Variants in POLN observed in about 807,000 individuals in gnomAD.
POLN encodes DNA polymerase N.
POLN carries 108 observed loss-of-function variants against 113.5 expected under a neutral mutation model. The ratio of observed to expected loss-of-function variants is 0.95; its 90% CI spans 0.81 to 1.12. The LOEUF (loss-of-function observed/expected upper bound fraction) is 1.12. Among genes scored for constraint, POLN ranks in the 50% most tolerant of loss-of-function variants. The pLI is 0.00. For missense variants in POLN, 1,097 were observed against 1,077.1 expected (o/e 1.02, Z -0.26); for synonymous variants, 386 against 391.5 (o/e 0.99, Z 0.17).
intron 7 of POLN, among the ~76,000 whole-genome samples, chr4:2,182,016 AT>A (rs1733155674): frequency 6.7e-6 from 1 of 149,390 alleles, no homozygotes; most frequent in Admixed American, 6.7e-5. Flanking sequence ...AAAAAAAAAG[AT>A]GACTTTAAAC....
intron 13 of POLN, among the ~76,000 whole-genome samples, chr4:2,165,780 A>AC (rs2108744780): frequency 6.6e-6 from 1 of 152,098 alleles, no homozygotes; most frequent in East Asian, 1.9e-4. Flanking sequence ...ACTAAAAAAT[A>AC]GTCTTTTTTT....
Position 2,156,847 on chromosome 4 carries a change from T to C in POLN, c.1672A>G (p.Ile558Val), listed in dbSNP as rs1397576598. 6.2e-7 allele frequency: 1 copy of C among 1,611,050 alleles called. No homozygotes were observed. Among genetic ancestry groups the C allele is most frequent in the African/African-American group, 1.3e-5 (1 of 74,848 alleles). The change falls in exon 16 of 26, where the codon ATT (isoleucine) becomes GTT (valine). Residue 558 changes from isoleucine (I) to valine (V), a missense_variant. Transcript: ENST00000511885. ...CCAGTCTGATTCCATGTAGAGGAAA[T>C]GGAGCCCTTTATTAGTTAAAAAGAA... is the stretch of plus-strand genomic sequence containing the variant. ...GLLACMKKGS[I>V]SSTWNQTGTV...
intron 17 of POLN, among the ~76,000 whole-genome samples, chr4:2,130,534 AAG>A (rs1731702476): frequency 6.6e-6 from 1 of 152,208 alleles, no homozygotes; most frequent in African/African-American, 2.4e-5. Context: ...TAAAAGAAAG[AAG>A]AGTGTTCATG....
chr4:2,183,888 C>CTTT lies in POLN; in HGVS notation c.1022-4426_1022-4424dup, dbSNP rs34321496. ...GCTATTTACAAGGTGTTCTTTTTTT[C>CTTT]TTTTTTTTTTTGAGACAGAGTCTTG... On this transcript the variant is annotated intron_variant, in intron 7 of 25. Coordinates refer to ENST00000511885, the MANE Select transcript of POLN (RefSeq NM_181808.4). 3.0e-3 allele frequency among the ~76,000 whole-genome samples: 442 copies of CTTT among 147,250 alleles called. 1 individual carries two copies. The highest frequency in any genetic ancestry group is 9.5e-3 in the African/African-American group (384 of 40,540).
At chr4:2,089,861 C>T in intron 20 of POLN, 1 of 953,898 alleles carries the variant, frequency 1.0e-6, no homozygotes, top group Non-Finnish European at 1.6e-6. Context: ...AGCAGACTTT[C>T]CAGACTGTCT....
chr4:2,096,108 G>C (rs889958215), intron 19 of POLN, among the ~76,000 whole-genome samples, 175 bp from the exon 20 acceptor site: 2 of 152,182 alleles, frequency 1.3e-5, no homozygotes, highest in African/African-American at 4.8e-5. Context: ...GCTCAGCAAG[G>C]GCCCCAGGCA....
intron 13 of POLN, among the ~76,000 whole-genome samples, chr4:2,164,630 C>T (rs1192893890): frequency 6.7e-6 from 1 of 149,640 alleles, no homozygotes; most frequent in Non-Finnish European, 1.5e-5. Context: ...TGGTGAAATC[C>T]CATCTCTACT....
Position 2,226,348 on chromosome 4 carries a change from G to A in POLN, c.133+2751C>T, listed in dbSNP as rs73796980. ...CTCAGAAAACAAGGATGGATTCAAC[G>A]TGGTAAGAAATGAGTAATCGCTGCC... On this transcript the variant is annotated intron_variant, in intron 3 of 25. Coordinates refer to ENST00000511885, the MANE Select transcript of POLN (RefSeq NM_181808.4). Among the ~76,000 whole-genome samples the A allele has an allele frequency of 2.1e-3, 326 of 152,320 alleles. 1 individual carries two copies. Among genetic ancestry groups the A allele is most frequent in the African/African-American group, 7.4e-3 (309 of 41,564 alleles).
chr4:2,102,596 A>T (rs1322126040), intron 19 of POLN, among the ~76,000 whole-genome samples: 1 of 152,204 alleles, frequency 6.6e-6, no homozygotes, highest in Non-Finnish European at 1.5e-5. Flanking sequence ...AAAGCCAACC[A>T]GAGGCCCAAG....
chr4:2,156,851 G>A lies in POLN; in HGVS notation c.1668C>T (p.Gly556=). 1 of 1,610,038 alleles carries A rather than the reference G, an allele frequency of 6.2e-7. No homozygotes were observed. The stretch of plus-strand genomic sequence containing the variant: ...TCTGATTCCATGTAGAGGAAATGGA[G>A]CCCTTTATTAGTTAAAAAGAATCAG... The part of the protein sequence containing the change: ...VDGLLACMKK[G]SISSTWNQTG... Residue 556 remains glycine, a splice_region_variant and synonymous_variant, in exon 16 of 26, where the codon GGC becomes GGT. Transcript: ENST00000511885.
chr4:2,112,628 TG>T (rs1731222903), intron 19 of POLN, among the ~76,000 whole-genome samples: 1 of 152,028 alleles, frequency 6.6e-6, no homozygotes, highest in African/African-American at 2.4e-5. Flanking sequence ...AAAAAACACA[TG>T]AAAAAATGCT....
At position 2,102,861 on chromosome 4, in the gene POLN, A is replaced by G. The variant is rs151322776; in HGVS notation, c.1983-6928T>C. Among the ~76,000 whole-genome samples, 752 of 152,352 alleles carry G rather than the reference A, an allele frequency of 4.9e-3. 1 individual carries two copies. Among genetic ancestry groups the G allele is most frequent in the Non-Finnish European group, 8.3e-3 (563 of 68,028 alleles). On this transcript the variant is annotated intron_variant, in intron 19 of 25. Coordinates refer to ENST00000511885, the MANE Select transcript of POLN (RefSeq NM_181808.4). ...AGAGTCTTCACTACTACACGCACTC[A>G]GAAACAAAGCCAAAGGGTCCTACCC...
chr4:2,241,461 G>A lies in POLN; in HGVS notation c.-13+59C>T, dbSNP rs918569431. On this transcript the variant is annotated intron_variant, in intron 2 of 25. Transcript: ENST00000511885. ...AGGCAGCCTCTCTTCCCTGCCCTCCGTACGTAAGAAGACGCAAATAAGCAT... is the reference window on the plus strand; with the variant it reads ...AGGCAGCCTCTCTTCCCTGCCCTCCATACGTAAGAAGACGCAAATAAGCAT... 5 of 980,242 alleles carry A rather than the reference G, an allele frequency of 5.1e-6. No individual in the cohort carries two copies. The African/African-American group carries it at 5.2e-5, about 10-fold the overall frequency. The allele number at this position is 980,242 out of a possible 1,614,324, so 60.7% of individuals were successfully genotyped here.
chr4:2,096,590 G>A (rs1281111123), intron 19 of POLN, among the ~76,000 whole-genome samples: 1 of 150,876 alleles, frequency 6.6e-6, no homozygotes, highest in Non-Finnish European at 1.5e-5. Flanking sequence ...ATGTACCCTC[G>A]GTGCCACCTC....
At chr4:2,163,636 C>T (rs982402784) in intron 13 of POLN, among the ~76,000 whole-genome samples, 2 of 152,254 alleles carry the variant, frequency 1.3e-5, no homozygotes, top group African/African-American at 4.8e-5. Flanking sequence ...TCTATGCTGG[C>T]TGCGTATCGC....
In POLN at chr4:2,128,193, A is replaced by T; in HGVS notation, c.1902T>A (p.His634Gln). ...FSQIELRILT[H>Q]LSGDPELLKL... is the part of the protein sequence containing the mutation. ...TCAGAAGTTCCGGATCTCCAGATAAATGTGTAAGAATGCGCAATTCAATCT... is the reference window on the plus strand; with the variant it reads ...TCAGAAGTTCCGGATCTCCAGATAATTGTGTAAGAATGCGCAATTCAATCT... Residue 634 changes from histidine to glutamine, a missense_variant, in exon 19 of 26, where the codon CAT becomes CAA. His to Gln is a conservative substitution (Grantham distance 24, BLOSUM62 0). Coordinates refer to ENST00000511885, the MANE Select transcript of POLN (RefSeq NM_181808.4). 6.2e-7 allele frequency: 1 copy of T among 1,611,392 alleles called. No individual in the cohort carries two copies. The highest frequency in any genetic ancestry group is 8.5e-7 in the Non-Finnish European group (1 of 1,177,714).
intron 13 of POLN, among the ~76,000 whole-genome samples, chr4:2,159,787 T>C (rs914164225): frequency 6.6e-6 from 1 of 152,196 alleles, no homozygotes; most frequent in Non-Finnish European, 1.5e-5. Context: ...GTTGGTCCAA[T>C]ATCATTTTTT....
chr4:2,227,461 A>G (rs1734427061), intron 3 of POLN: 1 of 152,164 alleles, frequency 6.6e-6, no homozygotes, highest in South Asian at 2.1e-4. Context: ...TACAACAATA[A>G]TTGTGTTTTT....
At chr4:2,232,737 G>A (rs982486679) in intron 2 of POLN, among the ~76,000 whole-genome samples, 6 of 152,034 alleles carry the variant, frequency 3.9e-5, no homozygotes, top group African/African-American at 7.2e-5. Context: ...TAGCCATGCC[G>A]ACCCTTCATA....
Sources: gnomAD v4.1 joint callset for allele counts (sites outside exome capture counted in the v4.1 genomes callset) on GRCh38, gnomAD v4.1.1 for gene constraint, MANE v1.5 for transcripts, NCBI Gene and HGNC (gene_info 2026-07-23, HGNC 2026-07-21) for gene names.